ERICH1: variants seen among roughly 807,000 people sequenced by gnomAD.
ERICH1 encodes glutamate-rich protein 1.
ERICH1 carries 56 observed loss-of-function variants against 39.6 expected under a neutral mutation model. The ratio of observed to expected loss-of-function variants is 1.41; its 90% CI spans 1.14 to 1.77. The LOEUF (loss-of-function observed/expected upper bound fraction) is 1.77. ERICH1 is among the 40% of genes most tolerant of loss of function. The pLI is 0.00. For missense variants in ERICH1, 826 were observed against 575.4 expected (o/e 1.44, Z -4.45); for synonymous variants, 313 against 223.6 (o/e 1.40, Z -3.57).
intron 1 of ERICH1, among the ~76,000 whole-genome samples, chr8:716,299 G>A (rs1473917224): frequency 2.6e-5 from 4 of 152,252 alleles, no homozygotes; most frequent in Admixed American, 6.5e-5. Context: ...GGCAGGTGCT[G>A]CCTCTGGCTG....
intron 3 of ERICH1, among the ~76,000 whole-genome samples, chr8:634,369 G>T (rs1006719432): frequency 2.6e-5 from 4 of 151,696 alleles, no homozygotes; most frequent in African/African-American, 9.7e-5. Flanking sequence ...GAACCCTCGT[G>T]CACTGTTGGC....
At chr8:631,453 G>T (rs369776903) in intron 3 of ERICH1, among the ~76,000 whole-genome samples, 2 of 152,158 alleles carry the variant, frequency 1.3e-5, no homozygotes, top group Non-Finnish European at 2.9e-5. Flanking sequence ...GTGCCCTGGG[G>T]TCTGTAACCT....
chr8:723,856 T>C (rs373811678), intron 1 of ERICH1, among the ~76,000 whole-genome samples: 1 of 152,300 alleles, frequency 6.6e-6, no homozygotes, highest in East Asian at 1.9e-4. Flanking sequence ...AGGCAAGGTA[T>C]TTAGCCTTTG....
chr8:673,386 A>G lies in ERICH1; in HGVS notation c.966T>C (p.Gly322=), dbSNP rs1223513164. 3 of 1,613,952 alleles carry G rather than the reference A, an allele frequency of 1.9e-6. No homozygotes were observed. Among genetic ancestry groups the G allele is most frequent in the Non-Finnish European group, 1.7e-6 (2 of 1,179,992 alleles). ...TATCATCTTCCTCGCTGGCGTCTGC[A>G]CCGTCCTCCTCCCCGGAGTCTGCAC... The part of the protein sequence containing the change: ...EEGADSGEED[G]ADASEEDDTI... The change falls in exon 4 of 6, where the codon GGT becomes GGC. Residue 322 remains glycine, a synonymous_variant. Coordinates refer to ENST00000262109, the MANE Select transcript of ERICH1 (RefSeq NM_207332.3).
Position 630,009 on chromosome 8 carries a change from C to A in ERICH1, c.977-14725G>T, listed in dbSNP as rs560596599. On this transcript the variant is annotated intron_variant, in intron 3 of 3. Coordinates refer to the ERICH1 transcript ENST00000522706. ...TCACACCCTCCTGTGAGCACCCACACAGACAAAGCTGACTCACACCCTCCC... is the reference window on the plus strand; with the variant it reads ...TCACACCCTCCTGTGAGCACCCACAAAGACAAAGCTGACTCACACCCTCCC... 5.4e-4 allele frequency among the ~76,000 whole-genome samples: 73 copies of A among 135,702 alleles called. 2 individuals are homozygous for A. Among genetic ancestry groups the A allele is most frequent in the African/African-American group, 2.1e-3 (71 of 34,516 alleles). 89.0% of individuals were successfully genotyped at this position (135,702 alleles called of 152,430 possible).
chr8:653,691 A>G (rs1349611301), intron 3 of ERICH1, among the ~76,000 whole-genome samples: 1 of 152,212 alleles, frequency 6.6e-6, no homozygotes, highest in Non-Finnish European at 1.5e-5. Context: ...TCCAGCCTTA[A>G]AAAAGAAGGG....
exon 4 of ERICH1, chr8:614,913 A>G (rs1299967002): frequency 7.6e-6 from 2 of 262,426 alleles, no homozygotes; most frequent in East Asian, 6.9e-5. Context: ...CATGACACCA[A>G]GGAGCTGCTG....
intron 1 of ERICH1, among the ~76,000 whole-genome samples, chr8:722,707 T>C (rs1051734781): frequency 1.3e-5 from 2 of 152,220 alleles, no homozygotes; most frequent in Admixed American, 1.3e-4. Flanking sequence ...TCAAAACTTT[T>C]GCTATCACCC....
chr8:650,520 G>A (rs1799810133), intron 3 of ERICH1, among the ~76,000 whole-genome samples: 1 of 152,170 alleles, frequency 6.6e-6, no homozygotes, highest in Non-Finnish European at 1.5e-5. Flanking sequence ...CCTCCCAGCA[G>A]CAGCCGCCCC....
chr8:699,638 C>G (rs930836408), intron 2 of ERICH1, among the ~76,000 whole-genome samples: 2 of 152,212 alleles, frequency 1.3e-5, no homozygotes, highest in African/African-American at 4.8e-5. Flanking sequence ...GATCTCAACA[C>G]GCGCGTGAAA....
At chr8:693,483 A>T (rs1033445557) in intron 2 of ERICH1, among the ~76,000 whole-genome samples, 2 of 152,254 alleles carry the variant, frequency 1.3e-5, no homozygotes, top group African/African-American at 4.8e-5. Context: ...TGTGGAGCTG[A>T]CCAGAGGTCG....
intron 3 of ERICH1, among the ~76,000 whole-genome samples, chr8:650,852 A>G (rs1333503828): frequency 6.6e-6 from 1 of 152,240 alleles, no homozygotes; most frequent in Non-Finnish European, 1.5e-5. Context: ...TCATGGTGAA[A>G]GGTCCGACTG....
At chr8:615,720 G>A (rs1171003961) in intron 3 of ERICH1, 3 of 154,936 alleles carry the variant, frequency 1.9e-5, no homozygotes, top group African/African-American at 4.8e-5. Flanking sequence ...ATTGCTTGGA[G>A]GTTTACTCGA....
At chr8:685,280 G>C (rs565718914) in intron 3 of ERICH1, among the ~76,000 whole-genome samples, 79 of 152,326 alleles carry the variant, frequency 5.2e-4, no homozygotes, top group Admixed American at 1.8e-3. Flanking sequence ...AAATACGGCT[G>C]TGTCCTGCCC....
rs988895855 is a variant in ERICH1, at chr8:624,916, C to T, written c.977-9632G>A. 7.9e-5 allele frequency among the ~76,000 whole-genome samples: 12 copies of T among 152,044 alleles called. No individual in the cohort carries two copies. The East Asian group carries it at 1.9e-3, about 25-fold the overall frequency. On this transcript the variant is annotated intron_variant, in intron 3 of 3. Transcript: ENST00000522706. ...TAATTTTTTGTATTTTTAGTAGAGA[C>T]GGGGTTTCACCGTGTTAGCCAGGAT... is the stretch of plus-strand genomic sequence containing the variant.
At chr8:685,763 G>A (rs1807193533) in intron 3 of ERICH1, among the ~76,000 whole-genome samples, 1 of 152,144 alleles carries the variant, frequency 6.6e-6, no homozygotes, top group East Asian at 1.9e-4. Context: ...GGCATTTCAA[G>A]AGTCTTTCTT....
chr8:618,062 C>T (rs1797038722), intron 3 of ERICH1, among the ~76,000 whole-genome samples: 1 of 151,080 alleles, frequency 6.6e-6, no homozygotes, highest in African/African-American at 2.4e-5. Context: ...TCAGTCTGTC[C>T]TCACTGTCCT....
chr8:623,060 C>G (rs968259505), intron 3 of ERICH1, among the ~76,000 whole-genome samples: 1 of 152,074 alleles, frequency 6.6e-6, no homozygotes, highest in Non-Finnish European at 1.5e-5. Flanking sequence ...TTAACACTTC[C>G]CAACTCATTT....
At chr8:628,926 G>A (rs1416441975) in intron 3 of ERICH1, among the ~76,000 whole-genome samples, 1 of 152,112 alleles carries the variant, frequency 6.6e-6, no homozygotes, top group Non-Finnish European at 1.5e-5. Flanking sequence ...GACCACCCCA[G>A]CTCAAGGTCA....
Sources: allele counts gnomAD v4.1 joint callset (sites outside exome capture counted in the v4.1 genomes callset), GRCh38; gene constraint gnomAD v4.1.1; transcripts MANE v1.5; gene names NCBI Gene and HGNC (gene_info 2026-07-23, HGNC 2026-07-21).